The following EPHA4 variants were observed in gnomAD, a reference collection of about 807,000 sequenced individuals.
The protein encoded by EPHA4 is EPH receptor A4, also known as ephrin type-A receptor 4.
A neutral mutation model predicts 108.3 loss-of-function variants in EPHA4; 19 were observed. That is an observed-to-expected ratio of 0.18 (90% CI 0.12 to 0.26). The LOEUF is 0.26. Ranked by LOEUF, EPHA4 falls within the 10% of genes least tolerant of loss-of-function variation. The pLI is 1.00. For synonymous variants in EPHA4, 449 were observed against 455.5 expected, an observed-to-expected ratio of 0.99 and a Z score of 0.18; for missense variants, 917 against 1,254.0, an observed-to-expected ratio of 0.73 and a Z score of 4.06.
intron 4 of EPHA4, among the ~76,000 whole-genome samples, chr2:221,499,259 TA>T (rs1692399717): frequency 6.7e-6 from 1 of 148,640 alleles, no homozygotes; most frequent in African/African-American, 2.4e-5. Flanking sequence ...AATAATAATA[TA>T]AAATAGAAAC....
intron 12 of EPHA4, among the ~76,000 whole-genome samples, chr2:221,436,833 A>G (rs550771059): frequency 1.1e-4 from 16 of 152,316 alleles, no homozygotes; most frequent in African/African-American, 3.8e-4. Context: ...ACTGTAATGA[A>G]TCTACGGCTC....
At chr2:221,524,559 A>G (rs530902619) in intron 3 of EPHA4, among the ~76,000 whole-genome samples, 1 of 152,358 alleles carries the variant, frequency 6.6e-6, no homozygotes, top group Admixed American at 6.5e-5. Flanking sequence ...AAGCGGCTGT[A>G]ATTTCCTAAC....
At chr2:221,439,419 C>A (rs759245795) in intron 11 of EPHA4, among the ~76,000 whole-genome samples, 1 of 151,786 alleles carries the variant, frequency 6.6e-6, no homozygotes, top group Non-Finnish European at 1.5e-5. Flanking sequence ...TCACTTGAGC[C>A]CAGGAGGCGG....
intron 2 of EPHA4, among the ~76,000 whole-genome samples, chr2:221,564,841 C>T (rs1694576785): frequency 7.7e-6 from 1 of 129,468 alleles, no homozygotes; most frequent in East Asian, 2.3e-4. Flanking sequence ...AGACAATTAT[C>T]AGTTAATTAG....
At chr2:221,552,290 T>C (rs936729424) in intron 3 of EPHA4, among the ~76,000 whole-genome samples, 16 of 152,234 alleles carry the variant, frequency 1.1e-4, no homozygotes, top group African/African-American at 3.6e-4. Flanking sequence ...TGATCTCTTA[T>C]GTCACCCAAC....
In EPHA4 at chr2:221,479,371, A is replaced by G. The variant is rs573634377; in HGVS notation, c.1318+2981T>C. The stretch of plus-strand genomic sequence containing the variant: ...TAGCAGGTTTTGCGTGATTGATTTG[A>G]TTTATCATTTCTAACATATTACTGA... On this transcript the variant is annotated intron_variant, in intron 5 of 17. Transcript: ENST00000281821. Among the ~76,000 whole-genome samples the G allele has an allele frequency of 2.6e-5, 4 of 152,308 alleles. No individual in the cohort carries two copies. The East Asian group carries it at 7.7e-4, about 29-fold the overall frequency.
intron 3 of EPHA4, among the ~76,000 whole-genome samples, chr2:221,511,804 T>C (rs1692841195): frequency 6.6e-6 from 1 of 152,212 alleles, no homozygotes; most frequent in South Asian, 2.1e-4. Context: ...AATTCCTTTT[T>C]TAAAAAACAT....
intron 3 of EPHA4, among the ~76,000 whole-genome samples, chr2:221,511,805 TA>T (rs1692841406): frequency 6.6e-6 from 1 of 152,194 alleles, no homozygotes; most frequent in African/African-American, 2.4e-5. Flanking sequence ...ATTCCTTTTT[TA>T]AAAAACATGT....
At chr2:221,501,849 T>A (rs1050934289) in intron 3 of EPHA4, among the ~76,000 whole-genome samples, 1 of 152,104 alleles carries the variant, frequency 6.6e-6, no homozygotes, top group African/African-American at 2.4e-5. Flanking sequence ...CAGGGTGAAA[T>A]AACAAAAACT....
At chr2:221,551,845 T>C (rs77407282) in intron 3 of EPHA4, among the ~76,000 whole-genome samples, 4,465 of 152,136 alleles carry the variant, frequency 0.029, 118 homozygotes, top group Non-Finnish European at 0.045. Flanking sequence ...AGTTTTTTTT[T>C]CTTACAAAAA....
At chr2:221,516,647 C>T (rs1451375142) in intron 3 of EPHA4, among the ~76,000 whole-genome samples, 1 of 152,156 alleles carries the variant, frequency 6.6e-6, no homozygotes, top group East Asian at 1.9e-4. Flanking sequence ...CCACCATGCC[C>T]GACCTAGATT....
intron 3 of EPHA4, among the ~76,000 whole-genome samples, chr2:221,514,224 G>A (rs958725314): frequency 6.6e-6 from 1 of 152,102 alleles, no homozygotes; most frequent in Non-Finnish European, 1.5e-5. Context: ...CACCCAGTTT[G>A]ACAAGGACGA....
At chr2:221,566,229 G>GT (rs544494422) in intron 2 of EPHA4, among the ~76,000 whole-genome samples, 158 of 150,548 alleles carry the variant, frequency 1.0e-3, no homozygotes, top group South Asian at 4.6e-3. Flanking sequence ...AAATCAAGTT[G>GT]TTTTTTTTTC....
chr2:221,516,237 G>T (rs528507011), intron 3 of EPHA4, among the ~76,000 whole-genome samples: 29 of 152,128 alleles, frequency 1.9e-4, no homozygotes, highest in Middle Eastern at 3.4e-3. Flanking sequence ...AACAATTTAA[G>T]GTTTCTAGGG....
intron 3 of EPHA4, chr2:221,532,837 C>G (rs925892835): frequency 6.6e-6 from 1 of 152,508 alleles, no homozygotes; most frequent in Non-Finnish European, 1.5e-5. Flanking sequence ...CCTAGCCCTT[C>G]TGAGGGGGCT....
chr2:221,551,787 C>T (rs988271775), intron 3 of EPHA4, among the ~76,000 whole-genome samples: 28 of 152,152 alleles, frequency 1.8e-4, no homozygotes, highest in Admixed American at 6.5e-4. Flanking sequence ...CTTTTAAAGA[C>T]GCTTTTCATT....
chr2:221,429,853 A>G, intron 15 of EPHA4, 105 bp downstream of exon 15: 1 of 1,281,326 alleles, frequency 7.8e-7, no homozygotes, highest in Non-Finnish European at 1.1e-6. Flanking sequence ...GCAGAGAGCC[A>G]TGAAGTGGCC....
intron 5 of EPHA4, among the ~76,000 whole-genome samples, chr2:221,474,145 TTCAG>T (rs1167879726): frequency 1.3e-5 from 2 of 152,190 alleles, no homozygotes; most frequent in African/African-American, 4.8e-5. Context: ...GTCTGTGCTA[TTCAG>T]TCAACCTTGA....
At chr2:221,481,244 C>T (rs937699342) in intron 5 of EPHA4, among the ~76,000 whole-genome samples, 2 of 152,162 alleles carry the variant, frequency 1.3e-5, no homozygotes, top group Non-Finnish European at 2.9e-5. Context: ...AGTAGAAACA[C>T]TTCATGAACA....
Sources: allele counts gnomAD v4.1 joint callset (sites outside exome capture counted in the v4.1 genomes callset), GRCh38; gene constraint gnomAD v4.1.1; transcripts MANE v1.5; gene names NCBI Gene and HGNC (gene_info 2026-07-23, HGNC 2026-07-21).